HACD4: variants seen among roughly 807,000 people sequenced by gnomAD.
HACD4 encodes the protein very-long-chain (3R)-3-hydroxyacyl-CoA dehydratase 4.
In HACD4, 35 loss-of-function variants were observed where a neutral mutation model predicts 33.3. The ratio of observed to expected loss-of-function variants is 1.05; its 90% CI spans 0.80 to 1.39. HACD4 has a LOEUF of 1.39. HACD4 is among the 40% of genes most tolerant of loss of function. The pLI, the probability that HACD4 is intolerant of heterozygous loss-of-function variation, is 0.00. For synonymous variants in HACD4, 118 were observed against 98.0 expected, an observed-to-expected ratio of 1.20 and a Z score of -1.21; for missense variants, 323 against 276.5, an observed-to-expected ratio of 1.17 and a Z score of -1.19.
intron 3 of HACD4, among the ~76,000 whole-genome samples, chr9:21,020,110 G>T (rs1392645489): frequency 1.3e-5 from 2 of 152,046 alleles, no homozygotes; most frequent in Non-Finnish European, 2.9e-5. Flanking sequence ...TGTGATTTGG[G>T]CTCATAAATG....
rs1842267756 is a variant in HACD4, at chr9:21,006,311, C to A, written c.*726G>T. The A allele has an allele frequency of 6.6e-6, 1 of 152,390 alleles. No individual in the cohort carries two copies. The highest frequency in any genetic ancestry group is 2.4e-5 in the African/African-American group (1 of 41,426). The allele number at this position is 152,390 out of a possible 1,614,324, so 9.4% of individuals were successfully genotyped here. On this transcript the variant is annotated 3_prime_UTR_variant, in exon 7 of 7. Transcript: ENST00000495827. The surrounding 1 kb of genome is among the most constrained non-coding windows in gnomAD (Gnocchi z 4.6). ...GAGACATAAGAGAGTTGATCTCTCT[C>A]TCATGTGAGGACAAAGAAGGACATC...
chr9:21,014,854 A>C lies in HACD4; in HGVS notation c.383+1044T>G, dbSNP rs191276440. ...AAAAATCTTCCTATGACAGCATGCT[A>C]CTTCTTTCAGTGCAAATGTTGTTTT... On this transcript the variant is annotated intron_variant, in intron 4 of 6. Transcript: ENST00000495827. Among the ~76,000 whole-genome samples the C allele has an allele frequency of 5.8e-4, 88 of 152,294 alleles. 2 individuals are homozygous for C. Among genetic ancestry groups the C allele is most frequent in the African/African-American group, 2.0e-3 (82 of 41,562 alleles).
At chr9:21,029,209 G>C in intron 2 of HACD4, 86 bp downstream of exon 2, 3 of 752,372 alleles carry the variant, frequency 4.0e-6, no homozygotes, top group Middle Eastern at 3.7e-4. Context: ...TTAGAAGGTT[G>C]AGGTGTGTAG....
intron 2 of HACD4, among the ~76,000 whole-genome samples, chr9:21,028,388 C>A (rs1224050848): frequency 6.6e-6 from 1 of 152,138 alleles, no homozygotes; most frequent in African/African-American, 2.4e-5. Flanking sequence ...TGAAAACTCT[C>A]AACATTTGTA....
At chr9:21,017,328 A>G (rs1842580268) in intron 3 of HACD4, among the ~76,000 whole-genome samples, 1 of 152,194 alleles carries the variant, frequency 6.6e-6, no homozygotes, top group Non-Finnish European at 1.5e-5. Flanking sequence ...AAGAGGGTCT[A>G]TGTTTGGCTA....
intron 4 of HACD4, among the ~76,000 whole-genome samples, chr9:21,014,778 G>T (rs1280793361): frequency 1.3e-5 from 2 of 152,196 alleles, no homozygotes; most frequent in Non-Finnish European, 2.9e-5. Flanking sequence ...CACTTAGCAA[G>T]TAAGTAGTGG....
At chr9:21,007,394 T>G (rs948543326) in intron 6 of HACD4, among the ~76,000 whole-genome samples, 1 of 152,190 alleles carries the variant, frequency 6.6e-6, no homozygotes, top group Non-Finnish European at 1.5e-5. Flanking sequence ...CATTTTTGTC[T>G]TTTCTCTCTA....
intron 3 of HACD4, among the ~76,000 whole-genome samples, chr9:21,016,422 A>G (rs1842557510): frequency 6.6e-6 from 1 of 152,194 alleles, no homozygotes; most frequent in Admixed American, 6.5e-5. Context: ...TGTGCCAGAT[A>G]TGGGAGCACA....
chr9:21,016,002 T>A lies in HACD4; in HGVS notation c.279A>T (p.Glu93Asp). The A allele has an allele frequency of 6.2e-7, 1 of 1,609,440 alleles. No individual in the cohort carries two copies. Among genetic ancestry groups the A allele is most frequent in the Non-Finnish European group, 8.5e-7 (1 of 1,176,134 alleles). ...HLLPRFLQLT[E>D]RIIILFVVIT... ...TCACCACAAAAAGGATGATTATTCT[T>A]TCTGTGAGCTAACAAAGAAACAGCA... Residue 93 changes from glutamate to aspartate, a missense_variant, in exon 4 of 7, where the codon GAA (glutamate) becomes GAT (aspartate). Coordinates refer to ENST00000495827, the MANE Select transcript of HACD4 (RefSeq NM_001010915.5).
In HACD4 at chr9:21,006,627, TCTC is replaced by T. The variant is rs34766167; in HGVS notation, c.*407_*409del. ...TGTGGAATATATTTTCCATCCCTCT[TCTC>T]CTACAGATCTATTTGGGAACTTGGA... On this transcript the variant is annotated 3_prime_UTR_variant, in exon 7 of 7. Coordinates refer to ENST00000495827, the MANE Select transcript of HACD4 (RefSeq NM_001010915.5). The surrounding 1 kb of genome is among the most constrained non-coding windows in gnomAD (Gnocchi z 4.6). The T allele has an allele frequency of 3.1e-5, 7 of 229,408 alleles. No homozygotes were observed. The highest frequency in any genetic ancestry group is 5.1e-5 in the Non-Finnish European group (6 of 117,654). The allele number at this position is 229,408 out of a possible 1,614,324, so 14.2% of individuals were successfully genotyped here.
Position 21,006,344 on chromosome 9 carries a change from A to C in HACD4, c.*693T>G, listed in dbSNP as rs1310131455. The C allele has an allele frequency of 6.5e-6, 1 of 152,784 alleles. No individual in the cohort carries two copies. The highest frequency in any genetic ancestry group is 2.4e-5 in the African/African-American group (1 of 41,430). 9.5% of individuals were successfully genotyped at this position (152,784 alleles called of 1,614,324 possible). Reference sequence around the variant, plus strand: ...AGGACAAAGAAGGACATCTATCTGCAAACTGGGAAGAGGGCCCTCACCAGA... The same window carrying C: ...AGGACAAAGAAGGACATCTATCTGCCAACTGGGAAGAGGGCCCTCACCAGA... On this transcript the variant is annotated 3_prime_UTR_variant, in exon 7 of 7. Coordinates refer to ENST00000495827, the MANE Select transcript of HACD4 (RefSeq NM_001010915.5). This position sits in a 1 kb window ranked among gnomAD's most constrained non-coding sequence, Gnocchi z 4.6.
At position 21,011,579 on chromosome 9, in the gene HACD4, C is replaced by G. The variant is rs1253194705; in HGVS notation, c.490+10G>C. On this transcript the variant is annotated intron_variant, in intron 5 of 6. Coordinates refer to ENST00000495827, the MANE Select transcript of HACD4 (RefSeq NM_001010915.5). ...TCAGTAAGCAATACAGCAAGTCACT[C>G]TTTTCTTACCTTCAGCAAGAACACA... 3.9e-6 allele frequency: 6 copies of G among 1,540,340 alleles called. No homozygotes were observed. Among genetic ancestry groups the G allele is most frequent in the Non-Finnish European group, 4.5e-6 (5 of 1,114,180 alleles).
Position 21,007,046 on chromosome 9 carries a change from C to CTT in HACD4, c.688_689dup (p.Lys231ArgfsTer45). On this transcript the variant is annotated frameshift_variant, in exon 7 of 7. Coordinates refer to ENST00000495827, the MANE Select transcript of HACD4 (RefSeq NM_001010915.5). LOFTEE classifies it high-confidence loss of function. Reference sequence around the variant, plus strand: ...ACTGGAATGCTGTACTTCACATCTTCTTTTTTTTAATGGGAAAGATTCCGA... The same window carrying CTT: ...ACTGGAATGCTGTACTTCACATCTTCTTTTTTTTTTAATGGGAAAGATTCCGA... 3 of 1,554,446 alleles carry CTT rather than the reference C, an allele frequency of 1.9e-6. No homozygotes were observed. Among genetic ancestry groups the CTT allele is most frequent in the Non-Finnish European group, 2.7e-6 (3 of 1,127,060 alleles).
chr9:21,009,146 TATTAAA>T (rs1842347624), intron 5 of HACD4, among the ~76,000 whole-genome samples: 1 of 152,202 alleles, frequency 6.6e-6, no homozygotes, highest in Non-Finnish European at 1.5e-5. Context: ...TTATTAAAAT[TATTAAA>T]ATTAAAGTTA....
At position 21,015,946 on chromosome 9, in the gene HACD4, T is replaced by C. The variant is rs777511854; in HGVS notation, c.335A>G (p.Tyr112Cys). ...ITSQEEVQEK[Y>C]VVCVLFVFWN... is the part of the protein sequence containing the mutation. ...AAAGACGAATAAAACACACACCACA[T>C]ATTTCTCTTGGACTTCCTCTTGACT... Residue 112 changes from tyrosine (Y) to cysteine (C), a missense_variant, in exon 4 of 7, where the codon TAT (tyrosine) becomes TGT (cysteine). Coordinates refer to ENST00000495827, the MANE Select transcript of HACD4 (RefSeq NM_001010915.5). The C allele has an allele frequency of 1.6e-5, 26 of 1,613,262 alleles. No homozygotes were observed. The South Asian group carries it at 2.0e-4, about 12-fold the overall frequency.
chr9:21,026,876 C>G (rs1564281168), intron 2 of HACD4, 153 bp from the exon 3 acceptor site: 9 of 602,178 alleles, frequency 1.5e-5, no homozygotes, highest in Admixed American at 6.3e-5. Context: ...AAATTATTAA[C>G]AATACAATGC....
rs1407028372 is a variant in HACD4 at position 21,008,111 on chromosome 9, A to C, written c.526T>G (p.Ser176Ala). 14 of 1,609,926 alleles carry C rather than the reference A, an allele frequency of 8.7e-6. No individual in the cohort carries two copies. The highest frequency in any genetic ancestry group is 1.2e-5 in the Non-Finnish European group (14 of 1,178,112). ...AGCTTGGTGGAATAAGTGCCAAATG[A>C]TTCAAAATAAGGCAGCGATTGATAG... The part of the protein sequence containing the change: ...AIYQSLPYFE[S>A]FGTYSTKLPF... Residue 176 changes from serine (S) to alanine (A), a missense_variant, in exon 6 of 7, where the codon TCA (serine) becomes GCA (alanine). Coordinates refer to ENST00000495827, the MANE Select transcript of HACD4 (RefSeq NM_001010915.5).
At chr9:21,030,243 A>T (rs1587843836) in intron 1 of HACD4, among the ~76,000 whole-genome samples, 1 of 144,586 alleles carries the variant, frequency 6.9e-6, no homozygotes, top group East Asian at 2.2e-4. Flanking sequence ...GAAGTTCAAG[A>T]CCAGCCTGGC....
chr9:21,014,705 T>G (rs1587829923), intron 4 of HACD4, among the ~76,000 whole-genome samples: 1 of 152,202 alleles, frequency 6.6e-6, no homozygotes, highest in Admixed American at 6.5e-5. Flanking sequence ...TTTTATGGTA[T>G]ATAAATTATA....
Sources: gnomAD v4.1 joint callset for allele counts (sites outside exome capture counted in the v4.1 genomes callset) on GRCh38, gnomAD v4.1.1 for gene constraint, Gnocchi (gnomAD v3.1) non-coding constraint, MANE v1.5 for transcripts, NCBI Gene and HGNC (gene_info 2026-07-23, HGNC 2026-07-21) for gene names.